Variants in TBC1D4 observed in about 807,000 individuals in gnomAD.
TBC1D4 encodes the protein TBC (Tre-2, BUB2, CDC16) domain-containing protein.
TBC1D4 carries 121 observed loss-of-function variants against 142.5 expected under a neutral mutation model. The ratio of observed to expected loss-of-function variants is 0.85; its 90% confidence interval spans 0.73 to 0.99. TBC1D4 has a LOEUF of 0.99. Ranked by LOEUF, TBC1D4 falls within the 50% of genes least tolerant of loss-of-function variation. The pLI is 0.00. For missense variants in TBC1D4, 1,475 were observed against 1,606.6 expected, an observed-to-expected ratio of 0.92 and a Z score of 1.40; for synonymous variants, 630 against 628.2, an observed-to-expected ratio of 1.00 and a Z score of -0.04.
At chr13:75,427,969 G>A (rs2138148020) in intron 1 of TBC1D4, among the ~76,000 whole-genome samples, 1 of 152,252 alleles carries the variant, frequency 6.6e-6, no homozygotes, top group South Asian at 2.1e-4. Flanking sequence ...ACAGGAGGAA[G>A]GGCCAAAGAA....
intron 1 of TBC1D4, among the ~76,000 whole-genome samples, chr13:75,466,532 G>A (rs1191876417): frequency 1.3e-5 from 2 of 152,086 alleles, no homozygotes; most frequent in Non-Finnish European, 2.9e-5. Context: ...TATATGCAAA[G>A]CATTTGTTGT....
intron 7 of TBC1D4, among the ~76,000 whole-genome samples, chr13:75,340,871 G>A (rs573896746): frequency 9.2e-5 from 14 of 152,220 alleles, no homozygotes; most frequent in East Asian, 5.8e-4. Flanking sequence ...GCTTGAACCC[G>A]GGAGGCGGAG....
chr13:75,393,229 C>G (rs977354704), intron 1 of TBC1D4, among the ~76,000 whole-genome samples: 2 of 151,512 alleles, frequency 1.3e-5, no homozygotes, highest in African/African-American at 4.8e-5. Context: ...ACTCTTTAAA[C>G]AAGAGGTAGA....
intron 1 of TBC1D4, among the ~76,000 whole-genome samples, chr13:75,478,201 A>G (rs1888696671): frequency 6.6e-6 from 1 of 152,058 alleles, no homozygotes; most frequent in Non-Finnish European, 1.5e-5. Context: ...AGTAACCACA[A>G]TCCTCCAACT....
In TBC1D4 at chr13:75,286,810, C is replaced by G. The variant is rs997744980; in HGVS notation, c.3879G>C (p.Lys1293Asn). 1 of 1,613,706 alleles carries G rather than the reference C, an allele frequency of 6.2e-7. No homozygotes were observed. Among genetic ancestry groups the G allele is most frequent in the African/African-American group, 1.3e-5 (1 of 74,908 alleles). Residue 1293 changes from lysine to asparagine, a missense_variant, in exon 21 of 21, where the codon AAG (lysine) becomes AAC (asparagine). Transcript: ENST00000377636. ...DLNCNPNNKA[K>N]IGNKP ...TCTTCAATTATGGCTTATTTCCTAT[C>G]TTGGCTTTGTTGTTAGGGTTGCAGT...
rs56341444 is a variant in TBC1D4 at position 75,294,761 on chromosome 13, T to C, written c.3316+93A>G. 3.1e-4 allele frequency: 425 copies of C among 1,393,374 alleles called. 2 individuals carry two copies. The African/African-American group carries it at 5.5e-3, about 18-fold the overall frequency. 86.3% of individuals were successfully genotyped at this position (1,393,374 alleles called of 1,614,324 possible). On this transcript the variant is annotated intron_variant, in intron 18 of 20. Transcript: ENST00000377636. ...GCAATTTGCTATTCTGTATAACACA[T>C]GATAGAACAATAGGGGCATCATATG...
At chr13:75,446,177 T>C (rs1465628021) in intron 1 of TBC1D4, among the ~76,000 whole-genome samples, 1 of 152,228 alleles carries the variant, frequency 6.6e-6, no homozygotes, top group Non-Finnish European at 1.5e-5. Context: ...AAGAATGTAA[T>C]ATGATTGTTT....
intron 1 of TBC1D4, among the ~76,000 whole-genome samples, chr13:75,443,760 C>T (rs1887151348): frequency 6.6e-6 from 1 of 152,192 alleles, no homozygotes; most frequent in Non-Finnish European, 1.5e-5. Context: ...CCTGTCCCTA[C>T]TCAGAATCAC....
chr13:75,317,276 T>C (rs1266400060), intron 12 of TBC1D4, among the ~76,000 whole-genome samples: 1 of 152,212 alleles, frequency 6.6e-6, no homozygotes, highest in East Asian at 1.9e-4. Context: ...TCCTCTGCAT[T>C]TCTGGTGAAA....
At chr13:75,372,222 A>G (rs1190725814) in intron 1 of TBC1D4, among the ~76,000 whole-genome samples, 1 of 152,080 alleles carries the variant, frequency 6.6e-6, no homozygotes, top group Non-Finnish European at 1.5e-5. Flanking sequence ...CTATCTATTT[A>G]TTCAACCAGA....
intron 14 of TBC1D4, among the ~76,000 whole-genome samples, chr13:75,308,009 T>G (rs1877352507): frequency 6.6e-6 from 1 of 152,228 alleles, no homozygotes; most frequent in South Asian, 2.1e-4. Context: ...AGATTATTGA[T>G]CATTTAAAAT....
intron 5 of TBC1D4, among the ~76,000 whole-genome samples, chr13:75,342,040 A>C (rs995591827): frequency 6.6e-6 from 1 of 152,170 alleles, no homozygotes; most frequent in South Asian, 2.1e-4. Context: ...TCTACTAAAA[A>C]TACAAAAATT....
intron 1 of TBC1D4, among the ~76,000 whole-genome samples, chr13:75,381,221 T>G (rs932283203): frequency 6.6e-6 from 1 of 152,178 alleles, no homozygotes; most frequent in Admixed American, 6.5e-5. Flanking sequence ...ACTAACTCCA[T>G]GATGTACAAA....
At chr13:75,298,764 C>T (rs916693604) in intron 17 of TBC1D4, among the ~76,000 whole-genome samples, 1 of 151,846 alleles carries the variant, frequency 6.6e-6, no homozygotes, top group Non-Finnish European at 1.5e-5. Context: ...CACACACACA[C>T]ATACACACAC....
intron 14 of TBC1D4, among the ~76,000 whole-genome samples, chr13:75,309,512 C>G (rs1030105982): frequency 1.3e-5 from 2 of 151,922 alleles, no homozygotes; most frequent in Admixed American, 1.3e-4. Context: ...CATATTTCTC[C>G]CATTATGAAT....
chr13:75,336,908 G>A lies in TBC1D4; in HGVS notation c.1731+13C>T. The A allele has an allele frequency of 1.9e-6, 3 of 1,613,118 alleles. No individual in the cohort carries two copies. Among genetic ancestry groups the A allele is most frequent in the Non-Finnish European group, 2.5e-6 (3 of 1,179,620 alleles). ...AGATATGCATACTTGAAAGACCATT[G>A]GTGCAATCTTACCCTTGAGAAGATA... On this transcript the variant is annotated intron_variant, in intron 8 of 20. Coordinates refer to ENST00000377636, the MANE Select transcript of TBC1D4 (RefSeq NM_014832.5).
intron 1 of TBC1D4, among the ~76,000 whole-genome samples, chr13:75,393,000 T>C (rs1884571402): frequency 6.6e-6 from 1 of 152,022 alleles, no homozygotes; most frequent in Admixed American, 6.6e-5. Context: ...CATCTCTATT[T>C]TGCTAGAATT....
intron 16 of TBC1D4, among the ~76,000 whole-genome samples, chr13:75,301,752 T>C (rs896854202): frequency 6.6e-6 from 1 of 152,200 alleles, no homozygotes; most frequent in Non-Finnish European, 1.5e-5. Context: ...ACTCACCCTA[T>C]AGGTGTATAG....
intron 6 of TBC1D4, 31 bp from the exon 7 acceptor site, chr13:75,341,266 T>C (rs770735988): frequency 3.8e-6 from 6 of 1,567,036 alleles, no homozygotes; most frequent in South Asian, 1.1e-5. Flanking sequence ...AAGAACACTA[T>C]GGCAACACCA....
Sources: gnomAD v4.1 joint callset for allele counts (sites outside exome capture counted in the v4.1 genomes callset) on GRCh38, gnomAD v4.1.1 for gene constraint, MANE v1.5 for transcripts, NCBI Gene and HGNC (gene_info 2026-07-23, HGNC 2026-07-21) for gene names.